GSG1L: variants seen among roughly 807,000 people sequenced by gnomAD.
GSG1L encodes germ cell-specific gene 1-like protein.
In GSG1L, 24 loss-of-function variants were observed where a neutral mutation model predicts 42.1. The observed-to-expected ratio is 0.57, with a 90% CI of 0.41 to 0.80. GSG1L has a LOEUF of 0.80. Among genes scored for constraint, GSG1L ranks in the 30% least tolerant of loss-of-function variants. The pLI is 0.00. For synonymous variants in GSG1L, 215 were observed against 203.5 expected, an observed-to-expected ratio of 1.06 and a Z score of -0.48; for missense variants, 445 against 472.2, an observed-to-expected ratio of 0.94 and a Z score of 0.53.
intron 2 of GSG1L, among the ~76,000 whole-genome samples, chr16:27,952,057 G>C (rs1275067367): frequency 6.6e-6 from 1 of 152,242 alleles, no homozygotes; most frequent in Non-Finnish European, 1.5e-5. Flanking sequence ...GCAGGGAGCA[G>C]GGATGACTTA....
chr16:28,058,542 T>C (rs932785173), intron 1 of GSG1L, among the ~76,000 whole-genome samples: 2 of 147,906 alleles, frequency 1.4e-5, no homozygotes, highest in Non-Finnish European at 3.0e-5. Flanking sequence ...GGCGGGAGGA[T>C]GCCTGAGCCC....
intron 2 of GSG1L, among the ~76,000 whole-genome samples, chr16:27,897,882 A>AT (rs1226671966): frequency 2.0e-4 from 30 of 152,236 alleles, no homozygotes; most frequent in Non-Finnish European, 3.8e-4. Context: ...TAATGAGGGA[A>AT]TGGCTGCAAA....
chr16:28,035,077 T>C (rs2086016899), intron 1 of GSG1L, among the ~76,000 whole-genome samples: 1 of 152,174 alleles, frequency 6.6e-6, no homozygotes, highest in African/African-American at 2.4e-5. Flanking sequence ...TGCAGTGGCA[T>C]GATCATTTAA....
At chr16:27,904,905 TC>T (rs1025487922) in intron 2 of GSG1L, among the ~76,000 whole-genome samples, 3 of 152,052 alleles carry the variant, frequency 2.0e-5, no homozygotes, top group African/African-American at 7.2e-5. Context: ...GATGGTCACA[TC>T]CCAGGAGAAG....
chr16:27,870,155 T>G (rs1465544628), intron 3 of GSG1L, among the ~76,000 whole-genome samples: 1 of 117,418 alleles, frequency 8.5e-6, no homozygotes, highest in Non-Finnish European at 1.8e-5. Context: ...CTCTCTTTCC[T>G]TCTCTCTCTG....
intron 4 of GSG1L, among the ~76,000 whole-genome samples, chr16:27,833,283 T>C (rs775215498): frequency 1.3e-5 from 2 of 152,094 alleles, no homozygotes; most frequent in Non-Finnish European, 2.9e-5. Flanking sequence ...TGTACCTTTG[T>C]CAAAAATTAG....
chr16:27,804,195 G>A (rs2082929976), intron 6 of GSG1L, among the ~76,000 whole-genome samples: 1 of 151,990 alleles, frequency 6.6e-6, no homozygotes, highest in Admixed American at 6.6e-5. Flanking sequence ...CCACTGCATA[G>A]CGAACTCCGT....
At chr16:27,947,380 AAGAAAAAG>A (rs973733178) in intron 2 of GSG1L, among the ~76,000 whole-genome samples, 1 of 113,712 alleles carries the variant, frequency 8.8e-6, no homozygotes, top group African/African-American at 3.3e-5. Flanking sequence ...GAAAGAAAGA[AAGAAAAAG>A]AAAGAAAGAA....
rs182873191 is a variant in GSG1L, at chr16:27,942,192, C to T, written c.397+20964G>A. Among the ~76,000 whole-genome samples, 3 of 150,768 alleles carry T rather than the reference C, an allele frequency of 2.0e-5. No individual in the cohort carries two copies. In the East Asian group the frequency reaches 5.8e-4, roughly 29 times the overall value. On this transcript the variant is annotated intron_variant, in intron 2 of 6. Coordinates refer to ENST00000447459, the MANE Select transcript of GSG1L (RefSeq NM_001109763.2). ...TGAGACTGAGTCTTGCTCTATTCCC[C>T]AGGCTAGAGTGCAGTGGCACAATCT...
intron 3 of GSG1L, among the ~76,000 whole-genome samples, chr16:27,875,841 CT>C (rs1241351560): frequency 6.6e-6 from 1 of 152,178 alleles, no homozygotes; most frequent in African/African-American, 2.4e-5. Context: ...TTAAATGAGC[CT>C]GGGCTACTTG....
rs537322538 is a variant in GSG1L at position 27,883,549 on chromosome 16, A to G, written c.550+937T>C. Reference sequence around the variant, plus strand: ...TCTGTCAAATGTACATACCTCAATTAGGAGAGATTACTTCCCTTACCAGGA... The same window carrying G: ...TCTGTCAAATGTACATACCTCAATTGGGAGAGATTACTTCCCTTACCAGGA... On this transcript the variant is annotated intron_variant, in intron 3 of 6. Transcript: ENST00000447459. Among the ~76,000 whole-genome samples, 144 of 152,338 alleles carry G rather than the reference A, an allele frequency of 9.5e-4. 3 individuals are homozygous for G. The South Asian group carries it at 0.03, about 32-fold the overall frequency.
At chr16:27,971,850 C>G (rs2085197047) in intron 1 of GSG1L, among the ~76,000 whole-genome samples, 1 of 152,082 alleles carries the variant, frequency 6.6e-6, no homozygotes, top group Non-Finnish European at 1.5e-5. Context: ...GCAGTTTTAT[C>G]ATGAAAGGAT....
intron 2 of GSG1L, among the ~76,000 whole-genome samples, chr16:27,923,169 G>A (rs1255797704): frequency 2.6e-5 from 4 of 152,154 alleles, no homozygotes; most frequent in Non-Finnish European, 5.9e-5. Flanking sequence ...CCTGGTACTG[G>A]GAGATGTACC....
intron 5 of GSG1L, among the ~76,000 whole-genome samples, chr16:27,814,011 A>G (rs1036914418): frequency 6.6e-6 from 1 of 152,238 alleles, no homozygotes; most frequent in African/African-American, 2.4e-5. Flanking sequence ...TAAGGACTCA[A>G]GCCCAGGACC....
intron 3 of GSG1L, among the ~76,000 whole-genome samples, chr16:27,872,783 G>C (rs1409854289): frequency 1.3e-5 from 2 of 152,142 alleles, no homozygotes; most frequent in African/African-American, 4.8e-5. Context: ...GGTTACAGAT[G>C]CCATGGCAAC....
chr16:27,991,717 A>G (rs1191409063), intron 1 of GSG1L, among the ~76,000 whole-genome samples: 1 of 152,012 alleles, frequency 6.6e-6, no homozygotes, highest in African/African-American at 2.4e-5. Context: ...TATTTCTACT[A>G]TTCAAATTAT....
At chr16:27,837,414 G>C (rs1169965309) in intron 4 of GSG1L, among the ~76,000 whole-genome samples, 1 of 152,092 alleles carries the variant, frequency 6.6e-6, no homozygotes, top group Non-Finnish European at 1.5e-5. Flanking sequence ...AGATGGAGAT[G>C]GTTCCTGGTT....
At chr16:27,862,625 G>C (rs2083668076) in intron 3 of GSG1L, among the ~76,000 whole-genome samples, 1 of 152,210 alleles carries the variant, frequency 6.6e-6, no homozygotes, top group Non-Finnish European at 1.5e-5. Flanking sequence ...AATGGCTCTG[G>C]GGCTGGCTGG....
intron 6 of GSG1L, among the ~76,000 whole-genome samples, chr16:27,797,580 T>C (rs1318833111): frequency 1.3e-5 from 2 of 149,708 alleles, no homozygotes; most frequent in Admixed American, 6.7e-5. Context: ...CCCAGCACTT[T>C]GGGAGGCCGA....
Sources: gnomAD v4.1 joint callset for allele counts (sites outside exome capture counted in the v4.1 genomes callset) on GRCh38, gnomAD v4.1.1 for gene constraint, MANE v1.5 for transcripts, NCBI Gene and HGNC (gene_info 2026-07-23, HGNC 2026-07-21) for gene names.